The following VTCN1 variants were observed in gnomAD, a reference collection of about 807,000 sequenced individuals.
VTCN1 encodes V-set domain-containing T-cell activation inhibitor 1.
A neutral mutation model predicts 26.5 loss-of-function variants in VTCN1; 26 were observed. The ratio of observed to expected loss-of-function variants is 0.98; its 90% CI spans 0.72 to 1.36. The LOEUF (loss-of-function observed/expected upper bound fraction) is 1.36, where lower values mean the gene tolerates loss of function less well. VTCN1 is among the 40% of genes most tolerant of loss of function. The pLI, the probability that VTCN1 is intolerant of heterozygous loss-of-function variation, is 0.00. For synonymous variants in VTCN1, 116 were observed against 130.7 expected, an observed-to-expected ratio of 0.89 and a Z score of 0.77; for missense variants, 298 against 337.7, an observed-to-expected ratio of 0.88 and a Z score of 0.92.
chr1:117,207,520 C>A (rs1649121910), intron 1 of VTCN1, among the ~76,000 whole-genome samples: 1 of 152,060 alleles, frequency 6.6e-6, no homozygotes, highest in Non-Finnish European at 1.5e-5. Flanking sequence ...TTCCCTCCCT[C>A]CACATGCTCT....
At chr1:117,189,364 G>C (rs936521583) in intron 1 of VTCN1, among the ~76,000 whole-genome samples, 1 of 152,196 alleles carries the variant, frequency 6.6e-6, no homozygotes, top group Non-Finnish European at 1.5e-5. Context: ...TTGTGAGTTG[G>C]AGAATGTGGA....
Position 117,147,596 on chromosome 1 carries a change from T to A in VTCN1, c.*45+17A>T, listed in dbSNP as rs1185985348. On this transcript the variant is annotated intron_variant, in intron 5 of 5. Transcript: ENST00000369458. The surrounding 1 kb of genome is among the most constrained non-coding windows in gnomAD (Gnocchi z 4.6). ...CCCACAGAACCAATATCCCACACTATTTGTGATTAATCTCACCTGTTGTAA... is the reference window on the plus strand; with the variant it reads ...CCCACAGAACCAATATCCCACACTAATTGTGATTAATCTCACCTGTTGTAA... 1 of 1,594,972 alleles carries A rather than the reference T, an allele frequency of 6.3e-7. No homozygotes were observed. Among genetic ancestry groups the A allele is most frequent in the African/African-American group, 1.3e-5 (1 of 74,130 alleles).
chr1:117,153,243 A>AAGTCTTCCGG lies in VTCN1; in HGVS notation c.571_572insCCGGAAGACT (p.Phe191SerfsTer13). On this transcript the variant is annotated frameshift_variant, in exon 4 of 6. Transcript: ENST00000369458. LOFTEE classifies it high-confidence loss of function. ...AAAGCTGGTATTGGAGACTTCCGAG[A>AAGTCTTCCGG]AGTTGGCTCCCTGGTCAACTTGGGA... The AAGTCTTCCGG allele has an allele frequency of 6.2e-7, 1 of 1,614,084 alleles. No individual in the cohort carries two copies. The highest frequency in any genetic ancestry group is 8.5e-7 in the Non-Finnish European group (1 of 1,179,984).
chr1:117,144,590 C>T lies in VTCN1; in HGVS notation c.*681G>A, dbSNP rs1470391909. On this transcript the variant is annotated 3_prime_UTR_variant, in exon 6 of 6. Coordinates refer to ENST00000369458, the MANE Select transcript of VTCN1 (RefSeq NM_024626.4). ...CATTTGTTTGTTTAAAAAGAAGGTG[C>T]TCAGTTTATTTATAAAATCGGTGTC... 1 of 152,204 alleles carries T rather than the reference C, an allele frequency of 6.6e-6. No individual in the cohort carries two copies. The highest frequency in any genetic ancestry group is 2.4e-5 in the African/African-American group (1 of 41,442). 9.4% of individuals were successfully genotyped at this position (152,204 alleles called of 1,614,324 possible).
chr1:117,188,241 C>T (rs534689094), intron 1 of VTCN1, among the ~76,000 whole-genome samples: 35 of 152,176 alleles, frequency 2.3e-4, no homozygotes, highest in African/African-American at 6.3e-4. Context: ...AGGAGAGAGA[C>T]GGACAGACAG....
intron 1 of VTCN1, among the ~76,000 whole-genome samples, chr1:117,181,480 TGCCCA>T (rs1647668738): frequency 6.6e-6 from 1 of 152,226 alleles, no homozygotes; most frequent in Non-Finnish European, 1.5e-5. Context: ...GACTGTTCAC[TGCCCA>T]GTTGCTCTCT....
At chr1:117,185,867 A>G (rs1647916335) in intron 1 of VTCN1, among the ~76,000 whole-genome samples, 1 of 152,188 alleles carries the variant, frequency 6.6e-6, no homozygotes, top group South Asian at 2.1e-4. Context: ...TCCAGGTTGA[A>G]CCAATGTAAA....
In VTCN1 at chr1:117,170,125, T is replaced by C. The variant is rs201203510; in HGVS notation, c.79A>G (p.Ile27Val). 11 of 1,613,866 alleles carry C rather than the reference T, an allele frequency of 6.8e-6. 1 individual carries two copies. In the Admixed American group the frequency reaches 1.8e-4, roughly 27 times the overall value. ...IILAGAIALI[I>V]GFGISGRHSI... ...CACATACCTGAAATACCAAAGCCAA[T>C]GATGAGTGCAATTGCTCCAGCCAGA... Residue 27 changes from isoleucine to valine, a missense_variant, in exon 2 of 6, where the codon ATT (isoleucine) becomes GTT (valine). By Grantham distance (29) the Ile-to-Val change is conservative. Coordinates refer to ENST00000369458, the MANE Select transcript of VTCN1 (RefSeq NM_024626.4).
chr1:117,148,261 G>C (rs1651615242), intron 4 of VTCN1, among the ~76,000 whole-genome samples: 1 of 152,144 alleles, frequency 6.6e-6, no homozygotes, highest in African/African-American at 2.4e-5. Flanking sequence ...TTCCTCCCTA[G>C]ACAATCCTAT....
intron 1 of VTCN1, among the ~76,000 whole-genome samples, chr1:117,200,625 C>T (rs911556230): frequency 1.3e-5 from 2 of 152,188 alleles, no homozygotes. Context: ...ATTCCCACCA[C>T]CCAGTGGCTC....
intron 1 of VTCN1, among the ~76,000 whole-genome samples, chr1:117,205,772 A>G (rs952793143): frequency 6.6e-6 from 1 of 152,240 alleles, no homozygotes; most frequent in Non-Finnish European, 1.5e-5. Context: ...GCTGCCTAGG[A>G]GATATTGAGC....
intron 1 of VTCN1, among the ~76,000 whole-genome samples, chr1:117,186,323 C>A (rs1240034867): frequency 1.3e-5 from 2 of 152,100 alleles, no homozygotes; most frequent in Non-Finnish European, 2.9e-5. Context: ...GTGGTTGGAC[C>A]CCCAAGGAGG....
In VTCN1 at chr1:117,200,619, C is replaced by T. The variant is rs532856581; in HGVS notation, c.32+10205G>A. ...TAGATCCCCAAATCTTCAGGTATTC[C>T]CACCACCCAGTGGCTCTTTTCCAAA... On this transcript the variant is annotated intron_variant, in intron 1 of 5. Coordinates refer to ENST00000369458, the MANE Select transcript of VTCN1 (RefSeq NM_024626.4). 9.2e-5 allele frequency among the ~76,000 whole-genome samples: 14 copies of T among 152,238 alleles called. No individual in the cohort carries two copies. The South Asian group carries it at 2.7e-3, about 29-fold the overall frequency.
chr1:117,172,448 A>C (rs1041533048), intron 1 of VTCN1: 3 of 518,742 alleles, frequency 5.8e-6, no homozygotes, highest in Non-Finnish European at 1.2e-5. Context: ...CAAGAGAGTG[A>C]GAACAGCTAG....
chr1:117,191,007 A>G (rs1390967538), intron 1 of VTCN1, among the ~76,000 whole-genome samples: 1 of 152,198 alleles, frequency 6.6e-6, no homozygotes, highest in Non-Finnish European at 1.5e-5. Context: ...AAGAACACAG[A>G]CAGACCATTA....
rs1652384062 is a variant in VTCN1, at chr1:117,161,862, T to C, written c.98-4941A>G. ...TTGATGGTTGTTGATAAAGTGCCATTAAAGTTGAATTGAAAGATTACTTCT... is the reference window on the plus strand; with the variant it reads ...TTGATGGTTGTTGATAAAGTGCCATCAAAGTTGAATTGAAAGATTACTTCT... On this transcript the variant is annotated intron_variant, in intron 2 of 5. Transcript: ENST00000369458. The surrounding 1 kb of genome is among the most constrained non-coding windows in gnomAD (Gnocchi z 4.3). 6.6e-6 allele frequency among the ~76,000 whole-genome samples: 1 copy of C among 152,228 alleles called. No homozygotes were observed. Among genetic ancestry groups the C allele is most frequent in the African/African-American group, 2.4e-5 (1 of 41,454 alleles).
intron 1 of VTCN1, among the ~76,000 whole-genome samples, chr1:117,195,021 T>C (rs1648440140): frequency 6.6e-6 from 1 of 152,032 alleles, no homozygotes; most frequent in Admixed American, 6.6e-5. Context: ...ATCCCAGCAC[T>C]TTGGGAGGCC....
rs1476752775 is a variant in VTCN1, at chr1:117,145,819, G to GA, written c.*46-595dup. On this transcript the variant is annotated intron_variant, in intron 5 of 5. Coordinates refer to ENST00000369458, the MANE Select transcript of VTCN1 (RefSeq NM_024626.4). This position sits in a 1 kb window ranked among gnomAD's most constrained non-coding sequence, Gnocchi z 4.6. Reference sequence around the variant, plus strand: ...GCTAATTTTTAAATTTTTTTGTAGAGATGGGGGTCTCACCATATTGCCCAG... The same window carrying GA: ...GCTAATTTTTAAATTTTTTTGTAGAGAATGGGGGTCTCACCATATTGCCCAG... 6.6e-6 allele frequency among the ~76,000 whole-genome samples: 1 copy of GA among 152,066 alleles called. No homozygotes were observed. The highest frequency in any genetic ancestry group is 2.4e-5 in the African/African-American group (1 of 41,402).
At chr1:117,173,088 C>T (rs1653009369) in intron 1 of VTCN1, 6 of 705,280 alleles carry the variant, frequency 8.5e-6, no homozygotes, top group Non-Finnish European at 1.3e-5. Flanking sequence ...ACCGCAGCTT[C>T]ATTCCTGAAG....
Sources: gnomAD v4.1 joint callset for allele counts (sites outside exome capture counted in the v4.1 genomes callset) on GRCh38, gnomAD v4.1.1 for gene constraint, Gnocchi (gnomAD v3.1) non-coding constraint, MANE v1.5 for transcripts, NCBI Gene and HGNC (gene_info 2026-07-23, HGNC 2026-07-21) for gene names.